ANAPC5: variants seen among roughly 807,000 people sequenced by gnomAD.
The protein encoded by ANAPC5 is anaphase promoting complex subunit 5, also known as anaphase-promoting complex subunit 5.
Under a neutral mutation model 91.3 loss-of-function variants are expected in ANAPC5, and 60 were observed. That is an observed-to-expected ratio of 0.66 (90% CI 0.53 to 0.81). The LOEUF is 0.81. Ranked by LOEUF, ANAPC5 falls within the 40% of genes least tolerant of loss-of-function variation. ANAPC5 has a pLI of 0.00. For missense variants in ANAPC5, 690 were observed against 931.5 expected (o/e 0.74, Z 3.37); for synonymous variants, 340 against 364.1 (o/e 0.93, Z 0.75).
chr12:121,347,021 G>A lies in ANAPC5; in HGVS notation c.288-16C>T, dbSNP rs1440536452. 12 of 1,545,886 alleles carry A rather than the reference G, an allele frequency of 7.8e-6. No homozygotes were observed. The highest frequency in any genetic ancestry group is 1.1e-5 in the Non-Finnish European group (12 of 1,131,932). Reference sequence around the variant, plus strand: ...CAGTTTGATTCTGAATGAGAAAATCGAGGTGCATATTTTAGAAAGGCCCTT... The same window carrying A: ...CAGTTTGATTCTGAATGAGAAAATCAAGGTGCATATTTTAGAAAGGCCCTT... On this transcript the variant is annotated splice_polypyrimidine_tract_variant and intron_variant, in intron 2 of 16. Coordinates refer to ENST00000261819, the MANE Select transcript of ANAPC5 (RefSeq NM_016237.5).
Position 121,308,661 on chromosome 12 carries a change from T to C in ANAPC5, c.2087A>G (p.Glu696Gly), listed in dbSNP as rs1004266397. Residue 696 changes from glutamate to glycine, a missense_variant, in exon 17 of 17, where the codon GAA becomes GGA. This residue lies in a region of ANAPC5 where 317 missense variants were observed against 438.7 expected (regional missense o/e 0.72). Coordinates refer to ENST00000261819, the MANE Select transcript of ANAPC5 (RefSeq NM_016237.5). Reference sequence around the variant, plus strand: ...AACCTTTGCAAAATAGTTCTTGGCTTCATTGAGGTTCTCGATGGCAGCCTC... The same window carrying C: ...AACCTTTGCAAAATAGTTCTTGGCTCCATTGAGGTTCTCGATGGCAGCCTC... The part of the protein sequence containing the change: ...ALEAAIENLN[E>G]AKNYFAKVDC... The C allele has an allele frequency of 1.9e-6, 3 of 1,614,146 alleles. No individual in the cohort carries two copies. The African/African-American group carries it at 4.0e-5, about 22-fold the overall frequency.
chr12:121,317,263 T>G (rs1439373992), intron 15 of ANAPC5, among the ~76,000 whole-genome samples: 1 of 151,570 alleles, frequency 6.6e-6, no homozygotes, highest in East Asian at 1.9e-4. Context: ...CTTTTTTTTT[T>G]TTTTTTTGAG....
At chr12:121,347,075 C>A in intron 2 of ANAPC5, 70 bp from the exon 3 acceptor site, 2 of 881,236 alleles carry the variant, frequency 2.3e-6, no homozygotes, top group East Asian at 2.8e-5. Context: ...TCATATTCCT[C>A]AATTACCTCA....
At chr12:121,317,623 C>T (rs1902422313) in intron 15 of ANAPC5, among the ~76,000 whole-genome samples, 1 of 152,118 alleles carries the variant, frequency 6.6e-6, no homozygotes, top group Admixed American at 6.5e-5. Flanking sequence ...TCCTTAGCTC[C>T]ACCCCTAGAG....
Position 121,319,748 on chromosome 12 carries a change from T to C in ANAPC5, c.1586A>G (p.Asp529Gly), listed in dbSNP as rs773264001. The C allele has an allele frequency of 8.1e-6, 13 of 1,613,064 alleles. No homozygotes were observed. Among genetic ancestry groups the C allele is most frequent in the Non-Finnish European group, 1.1e-5 (13 of 1,179,728 alleles). The change falls in exon 13 of 17, where the codon GAT (aspartate) becomes GGT (glycine). Residue 529 changes from aspartate (D) to glycine (G), a missense_variant. By Grantham distance (94) the Asp-to-Gly change is moderately conservative (BLOSUM62 -1). Transcript: ENST00000261819. ...AGCTGTGATTCCTGTAACAAGTGAA[T>C]CAGCCAAATGATATTTGCCATCATT... Reference protein sequence around the residue: ...AMNDGKYHLADSLVTGITALN... With the variant: ...AMNDGKYHLAGSLVTGITALN...
intron 12 of ANAPC5, among the ~76,000 whole-genome samples, 175 bp downstream of exon 12, chr12:121,320,210 A>T (rs1902541659): frequency 1.3e-5 from 2 of 152,198 alleles, no homozygotes; most frequent in African/African-American, 4.8e-5. Context: ...AACATAGAGT[A>T]TGAGCCTGTG....
chr12:121,343,529 C>A (rs1414013404), intron 4 of ANAPC5, among the ~76,000 whole-genome samples: 1 of 152,220 alleles, frequency 6.6e-6, no homozygotes, highest in African/African-American at 2.4e-5. Context: ...GGGGATCTGA[C>A]TGCAGAGCCA....
intron 5 of ANAPC5, 64 bp downstream of exon 5, chr12:121,341,939 C>G (rs1903474471): frequency 7.6e-7 from 1 of 1,321,598 alleles, no homozygotes; most frequent in Admixed American, 2.0e-5. Context: ...CAACACACAT[C>G]ACAGGACTAG....
Position 121,328,347 on chromosome 12 carries a change from T to C in ANAPC5, c.1273A>G (p.Lys425Glu). 6.2e-7 allele frequency: 1 copy of C among 1,613,958 alleles called. No individual in the cohort carries two copies. The highest frequency in any genetic ancestry group is 8.5e-7 in the Non-Finnish European group (1 of 1,179,988). Reference sequence around the variant, plus strand: ...CCATACAGCCTCCAGATGGCCGTTTTCTGTGCGATGCTGATATCGATGAGC... The same window carrying C: ...CCATACAGCCTCCAGATGGCCGTTTCCTGTGCGATGCTGATATCGATGAGC... ...SELIDISIAQ[K>E]TAIWRLYGRS... Residue 425 changes from lysine to glutamate, a missense_variant, in exon 10 of 17, where the codon AAA (lysine) becomes GAA (glutamate). By Grantham distance (56) the Lys-to-Glu change is moderately conservative. Coordinates refer to ENST00000261819, the MANE Select transcript of ANAPC5 (RefSeq NM_016237.5).
intron 11 of ANAPC5, among the ~76,000 whole-genome samples, chr12:121,325,815 T>A (rs1555272222): frequency 6.6e-6 from 1 of 152,152 alleles, no homozygotes; most frequent in African/African-American, 2.4e-5. Flanking sequence ...TGCAGTGAGC[T>A]GAGATCGTGC....
At chr12:121,332,534 C>T (rs1555273013) in intron 7 of ANAPC5, 1 of 151,848 alleles carries the variant, frequency 6.6e-6, no homozygotes, top group Non-Finnish European at 1.5e-5. Context: ...CTATGCTTAG[C>T]GTTGTTTATT....
chr12:121,319,763 T>C lies in ANAPC5; in HGVS notation c.1571A>G (p.Lys524Arg), dbSNP rs1351786012. Residue 524 changes from lysine (K) to arginine (R), a missense_variant, in exon 13 of 17, where the codon AAA becomes AGA. By Grantham distance (26) the Lys-to-Arg change is conservative. Coordinates refer to ENST00000261819, the MANE Select transcript of ANAPC5 (RefSeq NM_016237.5). ...AACAAGTGAATCAGCCAAATGATATTTGCCATCATTCATTGCTCTGTCAAA... is the reference window on the plus strand; with the variant it reads ...AACAAGTGAATCAGCCAAATGATATCTGCCATCATTCATTGCTCTGTCAAA... ...IQFDRAMNDGKYHLADSLVTG... is the reference protein window; with the variant it reads ...IQFDRAMNDGRYHLADSLVTG... The C allele has an allele frequency of 1.9e-6, 3 of 1,612,918 alleles. No individual in the cohort carries two copies. Among genetic ancestry groups the C allele is most frequent in the Non-Finnish European group, 1.7e-6 (2 of 1,179,588 alleles).
intron 15 of ANAPC5, among the ~76,000 whole-genome samples, chr12:121,317,414 C>T (rs572943302): frequency 1.8e-4 from 28 of 151,854 alleles, no homozygotes; most frequent in African/African-American, 6.0e-4. Flanking sequence ...CCACCACGCC[C>T]GGCTAATTTT....
intron 8 of ANAPC5, 89 bp downstream of exon 8, chr12:121,331,258 C>G (rs782713280): frequency 2.9e-5 from 33 of 1,141,234 alleles, no homozygotes; most frequent in Non-Finnish European, 4.2e-5. Flanking sequence ...GATCTCTGCT[C>G]CAACTGCAAA....
chr12:121,350,362 T>A (rs1903835098), intron 1 of ANAPC5, among the ~76,000 whole-genome samples: 1 of 152,178 alleles, frequency 6.6e-6, no homozygotes, highest in Non-Finnish European at 1.5e-5. Context: ...TGCTTATCCA[T>A]CAAGGCACAG....
chr12:121,343,099 A>G (rs1555274269), intron 4 of ANAPC5, among the ~76,000 whole-genome samples: 4 of 152,234 alleles, frequency 2.6e-5, no homozygotes. Context: ...TATAGAAAAT[A>G]TATTGGATTA....
At chr12:121,353,118 G>A (rs1903971769), upstream of ANAPC5, among the ~76,000 whole-genome samples, 1 of 152,160 alleles carries the variant, frequency 6.6e-6, no homozygotes. Context: ...CAGGTTGCCA[G>A]TGGTCGTGTA....
chr12:121,331,320 A>C lies in ANAPC5; in HGVS notation c.1032+27T>G, dbSNP rs1414064108. On this transcript the variant is annotated intron_variant, in intron 8 of 16. Transcript: ENST00000261819. ...AAGGCCAATTCAACCCGTGAACAAA[A>C]CTCCCAAGACCAGAGGATGGCCTCA... The C allele has an allele frequency of 8.3e-6, 13 of 1,562,340 alleles. No individual in the cohort carries two copies. In the Middle Eastern group the frequency reaches 5.2e-4, roughly 62 times the overall value.
rs781990372 is a variant in ANAPC5 at position 121,327,160 on chromosome 12, T to G, written c.1376A>C (p.Gln459Pro). Residue 459 changes from glutamine to proline, a missense_variant, in exon 11 of 17, where the codon CAG becomes CCG. Around this residue, in one of 5 missense-constraint regions of ANAPC5, gnomAD observed 317 missense variants for 438.7 expected, o/e 0.72. Coordinates refer to ENST00000261819, the MANE Select transcript of ANAPC5 (RefSeq NM_016237.5). ...AGCAAAGGACTCTGTGTTGTTCTGC[T>G]GCACGCCCGCATTCACCGCCTCCAG... is the stretch of plus-strand genomic sequence containing the variant. ...NSLEAVNAGV[Q>P]QNNTESFAVA... 6.2e-7 allele frequency: 1 copy of G among 1,613,512 alleles called. No individual in the cohort carries two copies. The highest frequency in any genetic ancestry group is 8.5e-7 in the Non-Finnish European group (1 of 1,179,978).
Sources: allele counts gnomAD v4.1 joint callset (sites outside exome capture counted in the v4.1 genomes callset), GRCh38; gene constraint gnomAD v4.1.1; regional missense constraint gnomAD v4.1.1; transcripts MANE v1.5; gene names NCBI Gene and HGNC (gene_info 2026-07-23, HGNC 2026-07-21).